The following RAD54B variants were observed in gnomAD, a reference collection of about 807,000 sequenced individuals.
RAD54B encodes the protein DNA repair and recombination protein RAD54B.
A neutral mutation model predicts 95.8 loss-of-function variants in RAD54B; 78 were observed. The ratio of observed to expected loss-of-function variants is 0.81; its 90% CI spans 0.68 to 0.98. RAD54B has a LOEUF of 0.98. Among genes scored for constraint, RAD54B ranks in the 50% least tolerant of loss-of-function variants. The probability of loss-of-function intolerance (pLI) is 0.00; values close to 1 mark genes in which losing one functional copy is unlikely to be tolerated. For missense variants in RAD54B, 957 were observed against 1,056.6 expected (o/e 0.91, Z 1.31); for synonymous variants, 328 against 354.9 (o/e 0.92, Z 0.85).
chr8:94,474,822 A>G (rs2028428), intron 1 of RAD54B, among the ~76,000 whole-genome samples, 179 bp downstream of exon 1: 66,268 of 152,042 alleles, frequency 0.44, 14,808 homozygotes, highest in East Asian at 0.57. Flanking sequence ...GGGGCCAGCA[A>G]CCAGGGCGTC....
intron 8 of RAD54B, among the ~76,000 whole-genome samples, chr8:94,395,867 T>A (rs1811130660): frequency 1.3e-5 from 2 of 152,176 alleles, no homozygotes; most frequent in South Asian, 4.1e-4. Context: ...CCAGAATCCT[T>A]GATGACAACG....
chr8:94,374,341 C>A (rs944288176), intron 14 of RAD54B, among the ~76,000 whole-genome samples: 1 of 150,822 alleles, frequency 6.6e-6, no homozygotes, highest in Non-Finnish European at 1.5e-5. Flanking sequence ...TAGAATAATA[C>A]CTGCAAAGTA....
At chr8:94,435,833 G>A (rs866281107) in intron 3 of RAD54B, among the ~76,000 whole-genome samples, 1 of 151,806 alleles carries the variant, frequency 6.6e-6, no homozygotes, top group African/African-American at 2.4e-5. Flanking sequence ...GACTATTAAG[G>A]AATAAAAACA....
At chr8:94,443,451 G>GCA (rs1468802765) in intron 3 of RAD54B, among the ~76,000 whole-genome samples, 2 of 151,572 alleles carry the variant, frequency 1.3e-5, no homozygotes, top group South Asian at 2.1e-4. Flanking sequence ...TCCTGCATAT[G>GCA]TACCCCTGAA....
chr8:94,442,443 CA>C (rs1812421898), intron 3 of RAD54B, among the ~76,000 whole-genome samples: 3 of 151,904 alleles, frequency 2.0e-5, no homozygotes, highest in Non-Finnish European at 2.9e-5. Flanking sequence ...GGCGTGGTGG[CA>C]GGCGCCTGTA....
chr8:94,454,835 T>TAG (rs1436988856), intron 3 of RAD54B, among the ~76,000 whole-genome samples: 1 of 152,206 alleles, frequency 6.6e-6, no homozygotes, highest in African/African-American at 2.4e-5. Flanking sequence ...AAGTCTAACT[T>TAG]ATCTGAGAAT....
chr8:94,374,149 G>A (rs1210169230), intron 14 of RAD54B, among the ~76,000 whole-genome samples: 1 of 152,070 alleles, frequency 6.6e-6, no homozygotes, highest in East Asian at 1.9e-4. Flanking sequence ...CGTGGTGGCA[G>A]GCGCCTGTAG....
intron 1 of RAD54B, 84 bp from the exon 2 acceptor site, chr8:94,467,639 A>C: frequency 7.2e-7 from 1 of 1,380,352 alleles, no homozygotes; most frequent in Non-Finnish European, 9.7e-7. Context: ...AACTACAACT[A>C]AGATGGAACA....
chr8:94,382,113 C>CA (rs537712504), intron 11 of RAD54B, among the ~76,000 whole-genome samples: 47,365 of 106,466 alleles, frequency 0.44, 9,024 homozygotes, highest in Admixed American at 0.55. Flanking sequence ...GACTCCCTCT[C>CA]AAAAAAAAAA....
intron 8 of RAD54B, among the ~76,000 whole-genome samples, chr8:94,395,162 G>T (rs977068331): frequency 9.2e-5 from 14 of 152,174 alleles, no homozygotes; most frequent in African/African-American, 3.4e-4. Flanking sequence ...GTCAATCATG[G>T]TAATTCTGTC....
Position 94,390,577 on chromosome 8 carries a change from A to T in RAD54B, c.1809+1032T>A, listed in dbSNP as rs1364879999. Among the ~76,000 whole-genome samples, 36 of 148,134 alleles carry T rather than the reference A, an allele frequency of 2.4e-4. 1 individual carries two copies. The East Asian group carries it at 7.0e-3, about 29-fold the overall frequency. ...GAATAAGATTATATATATATAGATT[A>T]TATATAGAGATTTTATATATAATAT... On this transcript the variant is annotated intron_variant, in intron 10 of 14. Coordinates refer to ENST00000336148, the MANE Select transcript of RAD54B (RefSeq NM_012415.3).
chr8:94,434,291 C>T (rs1308974797), intron 3 of RAD54B, among the ~76,000 whole-genome samples: 1 of 151,736 alleles, frequency 6.6e-6, no homozygotes, highest in Non-Finnish European at 1.5e-5. Context: ...ATATCTGGAA[C>T]ATTCCTTTCC....
At chr8:94,419,075 T>C (rs896462616) in intron 3 of RAD54B, among the ~76,000 whole-genome samples, 5 of 152,206 alleles carry the variant, frequency 3.3e-5, no homozygotes, top group African/African-American at 7.2e-5. Flanking sequence ...CTCATATCTT[T>C]AAAGTTTTAA....
intron 5 of RAD54B, among the ~76,000 whole-genome samples, chr8:94,406,746 C>A (rs1020085445): frequency 6.6e-6 from 1 of 152,152 alleles, no homozygotes; most frequent in African/African-American, 2.4e-5. Flanking sequence ...TATGTCTCAA[C>A]TTTCACATCT....
chr8:94,447,582 G>A (rs1201937170), intron 3 of RAD54B, among the ~76,000 whole-genome samples: 1 of 152,208 alleles, frequency 6.6e-6, no homozygotes, highest in African/African-American at 2.4e-5. Context: ...GTATGTGCCT[G>A]CTTCGTACAC....
chr8:94,449,481 C>A (rs1812603568), intron 3 of RAD54B, among the ~76,000 whole-genome samples: 1 of 151,856 alleles, frequency 6.6e-6, no homozygotes, highest in South Asian at 2.1e-4. Context: ...TGGTGGTGGG[C>A]ACCTGTAATC....
At chr8:94,448,800 C>G (rs532802438) in intron 3 of RAD54B, among the ~76,000 whole-genome samples, 1 of 151,324 alleles carries the variant, frequency 6.6e-6, no homozygotes, top group African/African-American at 2.4e-5. Context: ...TCGGGAGATA[C>G]GCGTCAGAGG....
intron 3 of RAD54B, chr8:94,430,820 C>CAG: frequency 1.0e-6 from 1 of 985,454 alleles, no homozygotes; most frequent in East Asian, 1.1e-4. Flanking sequence ...AGCTAAACAG[C>CAG]AGCTACCCTA....
At chr8:94,430,129 C>T in intron 3 of RAD54B, 1 of 701,104 alleles carries the variant, frequency 1.4e-6, no homozygotes, top group Non-Finnish European at 1.8e-6. Flanking sequence ...CTGGCTAACA[C>T]AGTGAAACCC....
Sources: gnomAD v4.1 joint callset for allele counts (sites outside exome capture counted in the v4.1 genomes callset) on GRCh38, gnomAD v4.1.1 for gene constraint, MANE v1.5 for transcripts, NCBI Gene and HGNC (gene_info 2026-07-23, HGNC 2026-07-21) for gene names.